Variants in SPAG1 observed in about 807,000 individuals in gnomAD.
The protein encoded by SPAG1 is sperm-associated antigen 1.
In SPAG1, 69 loss-of-function variants were observed where a neutral mutation model predicts 100.5. The ratio of observed to expected loss-of-function variants is 0.69; its 90% CI spans 0.57 to 0.84. SPAG1 has a LOEUF of 0.84. SPAG1 is among the 40% of genes least tolerant of loss of function. The probability of loss-of-function intolerance (pLI) is 0.00; values close to 1 mark genes in which losing one functional copy is unlikely to be tolerated. For synonymous variants in SPAG1, 336 were observed against 411.6 expected (o/e 0.82, Z 2.22); for missense variants, 955 against 1,133.1 (o/e 0.84, Z 2.26).
chr8:100,240,910 G>A lies in SPAG1; in HGVS notation c.2669G>A (p.Ser890Asn). 2 of 1,583,400 alleles carry A rather than the reference G, an allele frequency of 1.3e-6. No individual in the cohort carries two copies. The highest frequency in any genetic ancestry group is 1.7e-6 in the Non-Finnish European group (2 of 1,163,340). The change falls in exon 19 of 19, where the codon AGC (serine) becomes AAC (asparagine). Residue 890 changes from serine to asparagine, a missense_variant. By Grantham distance (46) the Ser-to-Asn change is conservative. Coordinates refer to ENST00000388798, the MANE Select transcript of SPAG1 (RefSeq NM_003114.5). ...ERFKMMLTLISKGQKELIEQL... is the reference protein window; with the variant it reads ...ERFKMMLTLINKGQKELIEQL... ...TTTTAGATGATGTTGACACTAATTA[G>A]CAAGGGCCAAAAGGAGCTAATTGAA...
intron 10 of SPAG1, 51 bp from the exon 11 acceptor site, chr8:100,213,039 A>T: frequency 8.8e-7 from 1 of 1,135,230 alleles, no homozygotes; most frequent in Non-Finnish European, 1.1e-6. Flanking sequence ...CCTCCGCGGC[A>T]ACTGCTCCCG....
chr8:100,194,544 A>G, intron 10 of SPAG1: 1 of 530,840 alleles, frequency 1.9e-6, no homozygotes, highest in South Asian at 3.2e-5. Context: ...TTTGACACAG[A>G]CCATTTGCCA....
Position 100,231,275 on chromosome 8 carries a change from A to G in SPAG1, c.1975A>G (p.Ile659Val). 1.3e-6 allele frequency: 2 copies of G among 1,561,140 alleles called. No individual in the cohort carries two copies. Among genetic ancestry groups the G allele is most frequent in the South Asian group, 2.4e-5 (2 of 81,654 alleles). ...AAAGATTAACAATAAGGAATGTGCC[A>G]TATATACAAACAGGCAAGTTCTTTG... ...CLKINNKECA[I>V]YTNRALCYLK... The change falls in exon 15 of 19, where the codon ATA (isoleucine) becomes GTA (valine). Residue 659 changes from isoleucine (I) to valine (V), a missense_variant. Ile to Val is a conservative substitution (Grantham distance 29, BLOSUM62 3). Transcript: ENST00000388798.
chr8:100,176,956 GTTTC>G (rs1281613805), intron 3 of SPAG1, among the ~76,000 whole-genome samples: 1 of 134,146 alleles, frequency 7.5e-6, no homozygotes, highest in African/African-American at 2.8e-5. Context: ...TCTTTTTTTC[GTTTC>G]TTTCTTTTTT....
intron 10 of SPAG1, among the ~76,000 whole-genome samples, chr8:100,211,177 A>C (rs953022026): frequency 1.3e-5 from 2 of 152,078 alleles, no homozygotes; most frequent in African/African-American, 4.8e-5. Context: ...GGATAAGGCC[A>C]CTTCTCTGAT....
intron 1 of SPAG1, among the ~76,000 whole-genome samples, chr8:100,159,986 A>T (rs1168032156): frequency 6.6e-6 from 1 of 152,326 alleles, no homozygotes; most frequent in South Asian, 2.1e-4. Context: ...TTAGCTCCAT[A>T]AATGTTAACT....
intron 10 of SPAG1, among the ~76,000 whole-genome samples, chr8:100,211,435 T>G (rs1563798825): frequency 6.6e-6 from 1 of 152,202 alleles, no homozygotes; most frequent in African/African-American, 2.4e-5. Context: ...GAGAGAGGAC[T>G]GCTTGAGACC....
chr8:100,195,868 C>T (rs865976202), intron 10 of SPAG1, among the ~76,000 whole-genome samples: 2 of 152,118 alleles, frequency 1.3e-5, no homozygotes, highest in South Asian at 2.1e-4. Flanking sequence ...TTCTACCACC[C>T]AAAAAGGCCT....
rs1269356547 is a variant in SPAG1, at chr8:100,174,301, A to T, written c.301-3515A>T. Among the ~76,000 whole-genome samples, 3 of 152,260 alleles carry T rather than the reference A, an allele frequency of 2.0e-5. No homozygotes were observed. In the East Asian group the frequency reaches 5.8e-4, roughly 29 times the overall value. On this transcript the variant is annotated intron_variant, in intron 3 of 18. Coordinates refer to ENST00000388798, the MANE Select transcript of SPAG1 (RefSeq NM_003114.5). ...AAAAGAAAATGTTATTAGGAAAATC[A>T]TAAGGAAGAGAATATATATTTACAA...
Position 100,239,313 on chromosome 8 carries a change from A to G in SPAG1, c.2189A>G (p.Glu730Gly), listed in dbSNP as rs1479365252. 1 of 1,567,250 alleles carries G rather than the reference A, an allele frequency of 6.4e-7. No homozygotes were observed. Residue 730 changes from glutamate to glycine, a missense_variant, in exon 17 of 19, where the codon GAA becomes GGA. Coordinates refer to ENST00000388798, the MANE Select transcript of SPAG1 (RefSeq NM_003114.5). The surrounding 1 kb of genome is among the most constrained non-coding windows in gnomAD (Gnocchi z 5.0). ...CCAAGTATTATTGAGGCAAAGATGGAACTGGAAGAGGTAACTAGACTCCTT... is the reference window on the plus strand; with the variant it reads ...CCAAGTATTATTGAGGCAAAGATGGGACTGGAAGAGGTAACTAGACTCCTT... The part of the protein sequence containing the change: ...LDPSIIEAKM[E>G]LEEVTRLLNL...
intron 4 of SPAG1, among the ~76,000 whole-genome samples, chr8:100,178,899 C>G (rs1816244473): frequency 6.6e-6 from 1 of 151,856 alleles, no homozygotes; most frequent in East Asian, 1.9e-4. Context: ...TCGAGACCAG[C>G]CTGGCCAACA....
At chr8:100,201,029 T>C (rs1244091600) in intron 10 of SPAG1, among the ~76,000 whole-genome samples, 1 of 152,120 alleles carries the variant, frequency 6.6e-6, no homozygotes, top group Non-Finnish European at 1.5e-5. Flanking sequence ...TTGTTGCTTG[T>C]ACTTTTGATA....
intron 3 of SPAG1, among the ~76,000 whole-genome samples, chr8:100,174,369 G>A (rs576568892): frequency 7.9e-5 from 12 of 152,212 alleles, no homozygotes; most frequent in South Asian, 6.2e-4. Context: ...CTTTATCCTC[G>A]TCATCATCAC....
chr8:100,191,834 T>C (rs943801622), intron 9 of SPAG1, among the ~76,000 whole-genome samples: 2 of 152,154 alleles, frequency 1.3e-5, no homozygotes, highest in South Asian at 4.1e-4. Context: ...TCTGTGGCCA[T>C]TGAAGAGTGT....
At chr8:100,220,848 G>A (rs1338185036) in intron 13 of SPAG1, among the ~76,000 whole-genome samples, 2 of 152,264 alleles carry the variant, frequency 1.3e-5, no homozygotes, top group Non-Finnish European at 1.5e-5. Flanking sequence ...CAAGGCGGGT[G>A]GATCACTTGA....
chr8:100,180,807 G>A (rs1215246335), intron 4 of SPAG1, among the ~76,000 whole-genome samples: 1 of 152,214 alleles, frequency 6.6e-6, no homozygotes, highest in Non-Finnish European at 1.5e-5. Context: ...TAGTGCAGGA[G>A]CTTAGTCCAA....
Position 100,225,256 on chromosome 8 carries a change from C to T in SPAG1, c.1772C>T (p.Pro591Leu). 6 of 1,613,866 alleles carry T rather than the reference C, an allele frequency of 3.7e-6. No individual in the cohort carries two copies. The highest frequency in any genetic ancestry group is 5.1e-6 in the Non-Finnish European group (6 of 1,179,942). The change falls in exon 14 of 19, where the codon CCA (proline) becomes CTA (leucine). Residue 591 changes from proline (P) to leucine (L), a missense_variant. Coordinates refer to ENST00000388798, the MANE Select transcript of SPAG1 (RefSeq NM_003114.5). ...ATTCCTGCTGTGCCTGCTTCTGTGC[C>T]ACTGCAAGCTTGGCATCCGGCAAAA... ...SPIPAVPASV[P>L]LQAWHPAKEM... is the part of the protein sequence containing the mutation.
At chr8:100,240,851 T>G (rs1238245257) in intron 18 of SPAG1, 40 bp from the exon 19 acceptor site, 2 of 1,575,432 alleles carry the variant, frequency 1.3e-6, no homozygotes, top group South Asian at 2.4e-5. Context: ...TATGCTAACA[T>G]AGTTGGTTTT....
chr8:100,165,973 G>A lies in SPAG1; in HGVS notation c.300G>A (p.Lys100=), dbSNP rs1298197445. ...EEWEKIDGDI[K]SWVSEIKKEE... ...GGGAAAAAATTGATGGTGATATAAA[G>A]GTATATAGTAATACCAATTTTCCAT... Residue 100 remains lysine, a splice_region_variant and synonymous_variant, in exon 3 of 19, where the codon AAG becomes AAA. Transcript: ENST00000388798. 6.2e-7 allele frequency: 1 copy of A among 1,605,190 alleles called. No homozygotes were observed. Among genetic ancestry groups the A allele is most frequent in the Non-Finnish European group, 8.5e-7 (1 of 1,176,448 alleles).
Sources: gnomAD v4.1 joint callset for allele counts (sites outside exome capture counted in the v4.1 genomes callset) on GRCh38, gnomAD v4.1.1 for gene constraint, Gnocchi (gnomAD v3.1) non-coding constraint, MANE v1.5 for transcripts, NCBI Gene and HGNC (gene_info 2026-07-23, HGNC 2026-07-21) for gene names.